The following LUZP2 variants were observed in gnomAD, a reference collection of about 807,000 sequenced individuals.
LUZP2 encodes the protein leucine zipper protein 2.
In LUZP2, 52 loss-of-function variants were observed where a neutral mutation model predicts 51.6. The observed-to-expected ratio is 1.01, with a 90% CI of 0.81 to 1.27. LUZP2 has a LOEUF of 1.27. LUZP2 is among the 50% of genes most tolerant of loss of function. The probability of loss-of-function intolerance (pLI) is 0.00; values close to 1 mark genes in which losing one functional copy is unlikely to be tolerated. For synonymous variants in LUZP2, 154 were observed against 137.3 expected, an observed-to-expected ratio of 1.12 and a Z score of -0.85; for missense variants, 436 against 395.4, an observed-to-expected ratio of 1.10 and a Z score of -0.87.
At chr11:24,507,389 CAT>C (rs1850175185) in intron 1 of LUZP2, among the ~76,000 whole-genome samples, 1 of 152,042 alleles carries the variant, frequency 6.6e-6, no homozygotes, top group Non-Finnish European at 1.5e-5. Context: ...CACCTTTACA[CAT>C]GTGTATAAAT....
chr11:24,846,167 A>C (rs917578929), intron 5 of LUZP2, among the ~76,000 whole-genome samples: 2 of 151,948 alleles, frequency 1.3e-5, no homozygotes, highest in Non-Finnish European at 2.9e-5. Context: ...AATTTTGTTG[A>C]TCATATGATG....
chr11:24,642,841 G>A (rs1855338908), intron 1 of LUZP2, among the ~76,000 whole-genome samples: 1 of 152,104 alleles, frequency 6.6e-6, no homozygotes, highest in South Asian at 2.1e-4. Flanking sequence ...CAGGGGTAAG[G>A]GAGGATTCTG....
At chr11:24,943,544 A>C (rs1313786815) in intron 7 of LUZP2, among the ~76,000 whole-genome samples, 1 of 152,148 alleles carries the variant, frequency 6.6e-6, no homozygotes, top group African/African-American at 2.4e-5. Flanking sequence ...TTCTGGGGAA[A>C]GTCCATCTAA....
At chr11:25,001,387 G>C (rs888547214) in intron 9 of LUZP2, among the ~76,000 whole-genome samples, 1 of 152,106 alleles carries the variant, frequency 6.6e-6, no homozygotes, top group African/African-American at 2.4e-5. Flanking sequence ...CGCCTCAGAG[G>C]AACCATCTAG....
intron 5 of LUZP2, among the ~76,000 whole-genome samples, chr11:24,849,890 T>C (rs2631459): frequency 0.15 from 22,990 of 152,234 alleles, 1,886 homozygotes; most frequent in African/African-American, 0.2. Context: ...TGCTGAGCTT[T>C]TTCTTCATAC....
At chr11:24,967,995 T>C (rs1386551364) in intron 7 of LUZP2, among the ~76,000 whole-genome samples, 1 of 152,164 alleles carries the variant, frequency 6.6e-6, no homozygotes, top group Non-Finnish European at 1.5e-5. Context: ...TTTTTAATTG[T>C]TGTTCTAGAA....
chr11:24,679,295 A>AC (rs1856662228), intron 1 of LUZP2, among the ~76,000 whole-genome samples: 1 of 152,210 alleles, frequency 6.6e-6, no homozygotes, highest in South Asian at 2.1e-4. Flanking sequence ...TAGGTATTCA[A>AC]CACATGGTTA....
Position 25,049,978 on chromosome 11 carries a change from A to T in LUZP2, c.766-60A>T, listed in dbSNP as rs1858440702. 1.4e-5 allele frequency: 13 copies of T among 936,808 alleles called. No individual in the cohort carries two copies. The South Asian group carries it at 2.5e-4, about 18-fold the overall frequency. The allele number at this position is 936,808 out of a possible 1,614,324, so 58.0% of individuals were successfully genotyped here. On this transcript the variant is annotated intron_variant, in intron 9 of 11. Coordinates refer to ENST00000336930, the MANE Select transcript of LUZP2 (RefSeq NM_001009909.4). The stretch of plus-strand genomic sequence containing the variant: ...TAAAACGATTTGGATCTATTTGTTC[A>T]AACTATTTCTCTTGTATTTAGTGAT...
intron 7 of LUZP2, among the ~76,000 whole-genome samples, chr11:24,955,545 G>A (rs1855188790): frequency 6.6e-6 from 1 of 151,952 alleles, no homozygotes; most frequent in Admixed American, 6.6e-5. Context: ...ATAATTTATA[G>A]TCTTAAATAA....
chr11:24,759,880 G>A (rs909309365), intron 4 of LUZP2, among the ~76,000 whole-genome samples: 2 of 152,116 alleles, frequency 1.3e-5, no homozygotes, highest in Non-Finnish European at 2.9e-5. Context: ...CCAAGGTTAA[G>A]GACATGTCAG....
chr11:24,577,032 A>G (rs1268937761), intron 1 of LUZP2, among the ~76,000 whole-genome samples: 2 of 152,096 alleles, frequency 1.3e-5, no homozygotes, highest in East Asian at 3.8e-4. Flanking sequence ...TTCACAGAAC[A>G]TTTAAGCATC....
At chr11:24,780,024 A>G (rs189283027) in intron 5 of LUZP2, among the ~76,000 whole-genome samples, 264 of 152,086 alleles carry the variant, frequency 1.7e-3, no homozygotes, top group Middle Eastern at 3.4e-3. Flanking sequence ...CTTGCTCCTG[A>G]TTCTGGGCTG....
rs35442009 is a variant in LUZP2, at chr11:24,978,293, G to GTA, written c.597+1633_597+1634dup. 7.4e-3 allele frequency among the ~76,000 whole-genome samples: 1,119 copies of GTA among 151,868 alleles called. 26 individuals are homozygous for GTA. In the East Asian group the frequency reaches 0.092, roughly 12 times the overall value. On this transcript the variant is annotated intron_variant, in intron 8 of 11. Transcript: ENST00000336930. ...ATGCCAATTATTACTTTTAAAAAAT[G>GTA]TATATAACTCATTATAACATTGGTG...
At chr11:24,744,831 G>C (rs868504322) in intron 4 of LUZP2, among the ~76,000 whole-genome samples, 1 of 151,938 alleles carries the variant, frequency 6.6e-6, no homozygotes, top group African/African-American at 2.4e-5. Flanking sequence ...CAGTCTTTCT[G>C]ATGTAGGCAT....
intron 7 of LUZP2, among the ~76,000 whole-genome samples, chr11:24,922,998 G>A (rs913980842): frequency 4.4e-4 from 67 of 151,358 alleles, no homozygotes; most frequent in African/African-American, 1.6e-3. Context: ...ACAGGCACCC[G>A]CCACCACGCC....
At chr11:24,587,609 C>CAATA (rs1853115931) in intron 1 of LUZP2, among the ~76,000 whole-genome samples, 1 of 152,184 alleles carries the variant, frequency 6.6e-6, no homozygotes, top group Non-Finnish European at 1.5e-5. Flanking sequence ...ATGAAGGTTA[C>CAATA]TGGAAATTTT....
chr11:25,040,098 C>A (rs1216692771), intron 9 of LUZP2, among the ~76,000 whole-genome samples: 1 of 151,812 alleles, frequency 6.6e-6, no homozygotes, highest in Non-Finnish European at 1.5e-5. Flanking sequence ...TCTAGAAGAC[C>A]AAAATTAGTA....
intron 1 of LUZP2, among the ~76,000 whole-genome samples, chr11:24,663,729 G>T (rs932477181): frequency 2.0e-5 from 3 of 152,172 alleles, no homozygotes; most frequent in African/African-American, 7.2e-5. Flanking sequence ...GAGGGACCCA[G>T]TGGGAGGTAA....
chr11:24,648,121 A>G (rs1322581148), intron 1 of LUZP2, among the ~76,000 whole-genome samples: 1 of 151,978 alleles, frequency 6.6e-6, no homozygotes, highest in East Asian at 1.9e-4. Flanking sequence ...TGCAAAAAAA[A>G]TGCTGTTTAA....
Sources: gnomAD v4.1 joint callset for allele counts (sites outside exome capture counted in the v4.1 genomes callset) on GRCh38, gnomAD v4.1.1 for gene constraint, MANE v1.5 for transcripts, NCBI Gene and HGNC (gene_info 2026-07-23, HGNC 2026-07-21) for gene names.